The following MMP24 variants were observed in gnomAD, a reference collection of about 807,000 sequenced individuals.
MMP24 encodes the protein matrix metallopeptidase 24.
A neutral mutation model predicts 62.8 loss-of-function variants in MMP24; 25 were observed. The ratio of observed to expected loss-of-function variants is 0.40; its 90% CI spans 0.29 to 0.56. MMP24 has a LOEUF of 0.56. Ranked by LOEUF, MMP24 falls within the 20% of genes least tolerant of loss-of-function variation. The probability of loss-of-function intolerance (pLI) is 0.50; values close to 1 mark genes in which losing one functional copy is unlikely to be tolerated. For synonymous variants in MMP24, 319 were observed against 350.5 expected (o/e 0.91, Z 1.00); for missense variants, 634 against 853.6 (o/e 0.74, Z 3.21).
Position 35,263,858 on chromosome 20 carries a change from C to T in MMP24, c.885C>T (p.Asp295=), listed in dbSNP as rs375374343. The change falls in exon 5 of 9, where the codon GAC becomes GAT. Residue 295 remains aspartate, a synonymous_variant. Transcript: ENST00000246186. ...GHALGLEHSS[D]PSAIMAPFYQ... is the part of the protein sequence containing the mutation. ...CGCTGGGACTGGAGCACTCCAGCGACCCCAGCGCCATCATGGCGCCCTTCT... is the reference window on the plus strand; with the variant it reads ...CGCTGGGACTGGAGCACTCCAGCGATCCCAGCGCCATCATGGCGCCCTTCT... The T allele has an allele frequency of 2.5e-6, 4 of 1,612,262 alleles. No homozygotes were observed. The highest frequency in any genetic ancestry group is 1.3e-5 in the African/African-American group (1 of 75,008).
intron 1 of MMP24, among the ~76,000 whole-genome samples, chr20:35,230,580 A>G (rs930120311): frequency 1.3e-5 from 2 of 152,210 alleles, no homozygotes; most frequent in African/African-American, 4.8e-5. Flanking sequence ...TTCGGTAGAA[A>G]TCAAGCCTAT....
intron 1 of MMP24, 105 bp downstream of exon 1, chr20:35,227,089 C>A: frequency 2.2e-6 from 2 of 911,930 alleles, no homozygotes; most frequent in South Asian, 4.9e-5. Flanking sequence ...CTGCCGAGGT[C>A]GCGGAGGCGG....
chr20:35,239,814 CCAAA>C (rs919989465), intron 1 of MMP24, among the ~76,000 whole-genome samples: 15 of 151,964 alleles, frequency 9.9e-5, no homozygotes, highest in Middle Eastern at 3.2e-3. Context: ...AAAAAACCAA[CCAAA>C]CAAACAAACA....
At chr20:35,262,361 A>T (rs539820256) in intron 4 of MMP24, among the ~76,000 whole-genome samples, 3,923 of 151,870 alleles carry the variant, frequency 0.026, 103 homozygotes, top group African/African-American at 0.065. Context: ...AATTGTGGGG[A>T]GAGGGTCAGC....
chr20:35,265,369 G>C (rs2060627364), intron 5 of MMP24, among the ~76,000 whole-genome samples: 1 of 151,920 alleles, frequency 6.6e-6, no homozygotes, highest in Non-Finnish European at 1.5e-5. Context: ...TTGAACCCGG[G>C]AGGCGGAGGT....
intron 5 of MMP24, among the ~76,000 whole-genome samples, chr20:35,264,707 C>CAAAAAAAAAAAAAAAAA (rs57309455): frequency 6.9e-5 from 3 of 43,538 alleles, no homozygotes; most frequent in African/African-American, 2.0e-4. Flanking sequence ...GACTCCGTCT[C>CAAAAAAAAAAAAAAAAA]AAAAAAAAAA....
At chr20:35,254,134 G>C (rs1319207225) in intron 3 of MMP24, among the ~76,000 whole-genome samples, 2 of 152,168 alleles carry the variant, frequency 1.3e-5, no homozygotes, top group African/African-American at 4.8e-5. Context: ...CTCCCAAAGT[G>C]CTGGGATTAC....
At position 35,274,622 on chromosome 20, in the gene MMP24, CCTCT is replaced by C; in HGVS notation, c.*16_*19del. The C allele has an allele frequency of 1.9e-6, 3 of 1,579,684 alleles. No individual in the cohort carries two copies. Among genetic ancestry groups the C allele is most frequent in the Non-Finnish European group, 2.6e-6 (3 of 1,161,196 alleles). On this transcript the variant is annotated 3_prime_UTR_variant, in exon 9 of 9. Coordinates refer to ENST00000246186, the MANE Select transcript of MMP24 (RefSeq NM_006690.4). This position sits in a 1 kb window ranked among gnomAD's most constrained non-coding sequence, Gnocchi z 5.1. ...GGAATGGGTGTGAGCAGCCCAGAGCCCTCTCTATCCACTTGGTCTGGCCAGCCAG... is the reference window on the plus strand; with the variant it reads ...GGAATGGGTGTGAGCAGCCCAGAGCCCTATCCACTTGGTCTGGCCAGCCAG...
chr20:35,232,970 G>A (rs945301817), intron 1 of MMP24, among the ~76,000 whole-genome samples: 2 of 152,104 alleles, frequency 1.3e-5, no homozygotes, highest in African/African-American at 2.4e-5. Context: ...ACTTAGGGGC[G>A]AGTACTCATT....
chr20:35,267,128 G>C, intron 5 of MMP24, 77 bp from the exon 6 acceptor site: 1 of 1,247,836 alleles, frequency 8.0e-7, no homozygotes, highest in Non-Finnish European at 1.1e-6. Flanking sequence ...TCTCAGAGCT[G>C]CCTGGGTGAT....
intron 4 of MMP24, among the ~76,000 whole-genome samples, chr20:35,257,478 T>C (rs2060580741): frequency 6.6e-6 from 1 of 152,194 alleles, no homozygotes; most frequent in Non-Finnish European, 1.5e-5. Context: ...CCAGGCACTG[T>C]TAGCTGATAG....
chr20:35,231,810 G>A (rs1035030703), intron 1 of MMP24, among the ~76,000 whole-genome samples: 1 of 152,176 alleles, frequency 6.6e-6, no homozygotes, highest in Admixed American at 6.5e-5. Flanking sequence ...CCAGCACTTT[G>A]GGAGGCCGAG....
At chr20:35,238,980 C>T (rs1290685482) in intron 1 of MMP24, among the ~76,000 whole-genome samples, 3 of 152,096 alleles carry the variant, frequency 2.0e-5, no homozygotes, top group Non-Finnish European at 4.4e-5. Flanking sequence ...GCTCAAGGAT[C>T]TTCCTGCCAC....
At chr20:35,273,391 G>A (rs1212249044) in intron 8 of MMP24, among the ~76,000 whole-genome samples, 1 of 146,446 alleles carries the variant, frequency 6.8e-6, no homozygotes, top group African/African-American at 2.6e-5. Context: ...GTGAGACCTT[G>A]TCTTAAAAAA....
chr20:35,237,866 G>A (rs2060471125), intron 1 of MMP24, among the ~76,000 whole-genome samples: 1 of 152,156 alleles, frequency 6.6e-6, no homozygotes, highest in South Asian at 2.1e-4. Context: ...GAACTAGGCA[G>A]GGAATCTGAG....
intron 1 of MMP24, among the ~76,000 whole-genome samples, chr20:35,228,708 G>T (rs1057456715): frequency 6.6e-6 from 1 of 152,144 alleles, no homozygotes; most frequent in Non-Finnish European, 1.5e-5. Context: ...GTCCTTACCT[G>T]TATCAGTTTT....
chr20:35,268,843 T>G (rs142030405), intron 6 of MMP24, among the ~76,000 whole-genome samples: 3 of 151,976 alleles, frequency 2.0e-5, no homozygotes, highest in Admixed American at 6.5e-5. Flanking sequence ...CTGGCTAACA[T>G]GGTGAAACCC....
intron 7 of MMP24, among the ~76,000 whole-genome samples, chr20:35,270,778 G>A (rs1243205860): frequency 2.0e-5 from 3 of 152,216 alleles, no homozygotes; most frequent in Non-Finnish European, 4.4e-5. Flanking sequence ...AGTGGCTCAC[G>A]CCCGAAATCC....
chr20:35,251,415 G>C (rs1444830279), intron 2 of MMP24, among the ~76,000 whole-genome samples: 1 of 152,124 alleles, frequency 6.6e-6, no homozygotes, highest in Admixed American at 6.6e-5. Context: ...GTGAGCCACC[G>C]TGCCCAGCTG....
Sources: allele counts gnomAD v4.1 joint callset (sites outside exome capture counted in the v4.1 genomes callset), GRCh38; gene constraint gnomAD v4.1.1; non-coding constraint Gnocchi (gnomAD v3.1); transcripts MANE v1.5; gene names NCBI Gene and HGNC (gene_info 2026-07-23, HGNC 2026-07-21).